The following TET3 variants were observed in gnomAD, a reference collection of about 807,000 sequenced individuals.
TET3 encodes the protein methylcytosine dioxygenase TET3.
A neutral mutation model predicts 141.4 loss-of-function variants in TET3; 19 were observed. That is an observed-to-expected ratio of 0.13 (90% CI 0.09 to 0.20). TET3 has a LOEUF of 0.20. Among genes scored for constraint, TET3 ranks in the 10% least tolerant of loss-of-function variants. The pLI is 1.00. For synonymous variants in TET3, 1,043 were observed against 980.9 expected, an observed-to-expected ratio of 1.06 and a Z score of -1.18; for missense variants, 1,874 against 2,356.9, an observed-to-expected ratio of 0.80 and a Z score of 4.24.
chr2:74,069,446 G>C (rs893766352), intron 4 of TET3, among the ~76,000 whole-genome samples: 6 of 150,914 alleles, frequency 4.0e-5, no homozygotes, highest in Non-Finnish European at 5.9e-5. Context: ...AAAAAATTGT[G>C]ATTTATATAA....
Position 74,053,145 on chromosome 2 carries a change from T to C in TET3, c.2494+4734T>C, listed in dbSNP as rs1310966812. Among the ~76,000 whole-genome samples, 5 of 152,208 alleles carry C rather than the reference T, an allele frequency of 3.3e-5. No homozygotes were observed. The East Asian group carries it at 9.6e-4, about 29-fold the overall frequency. On this transcript the variant is annotated intron_variant, in intron 4 of 11. Transcript: ENST00000409262. ...CCATTCTCTAAAAGATAATATGATG[T>C]TTGCAGCTTTGAGAATATTTATCAC...
chr2:74,018,808 C>T (rs6713313), intron 3 of TET3, among the ~76,000 whole-genome samples: 40,023 of 149,956 alleles, frequency 0.27, 5,661 homozygotes, highest in African/African-American at 0.33. Context: ...CCATGTTCTG[C>T]GAAAAATACT....
At position 73,986,243 on chromosome 2, in the gene TET3, G is replaced by A. The variant is rs756304727; in HGVS notation, c.-161G>A. ...ACTGCTGCAGAGGAGGTGAAGAGGG[G>A]TTGAGAAGAGGCATCCATCCACGAG... is the stretch of plus-strand genomic sequence containing the variant. On this transcript the variant is annotated 5_prime_UTR_variant, in exon 2 of 12. Coordinates refer to ENST00000409262, the MANE Select transcript of TET3 (RefSeq NM_001287491.2). 3.1e-4 allele frequency: 165 copies of A among 529,776 alleles called. No homozygotes were observed. The highest frequency in any genetic ancestry group is 3.9e-4 in the Admixed American group (9 of 22,810). 32.8% of individuals were successfully genotyped at this position (529,776 alleles called of 1,614,324 possible). A position where few individuals can be genotyped will look rare whatever the true frequency, so the allele number is the denominator to read the frequency against.
chr2:74,002,752 G>A (rs922400839), intron 2 of TET3: 16 of 532,716 alleles, frequency 3.0e-5, no homozygotes, highest in Non-Finnish European at 5.2e-5. Context: ...TCCCTCCGGC[G>A]GGGATAATGG....
chr2:74,100,214 C>T (rs1444371948), intron 11 of TET3, among the ~76,000 whole-genome samples, 179 bp from the exon 12 acceptor site: 1 of 152,140 alleles, frequency 6.6e-6, no homozygotes, highest in Non-Finnish European at 1.5e-5. Context: ...CTGTGCTGAG[C>T]AGGGCCCAGG....
At chr2:74,135,077 A>G in the TET3 span, 1 of 215,616 alleles carries the variant, frequency 4.6e-6, no homozygotes, top group Non-Finnish European at 9.5e-6. Context: ...ATCTTCAAAC[A>G]CAGGAAAAGA....
chr2:74,041,157 C>G (rs1487347970), intron 3 of TET3, among the ~76,000 whole-genome samples: 1 of 152,106 alleles, frequency 6.6e-6, no homozygotes. Context: ...AGTGCATTTT[C>G]TAGTATCTCT....
chr2:74,003,312 C>G, intron 3 of TET3, 146 bp downstream of exon 3: 11 of 848,004 alleles, frequency 1.3e-5, no homozygotes, highest in East Asian at 3.8e-5. Flanking sequence ...GGAGGGGCGG[C>G]GGGGGTGTGG....
chr2:73,987,576 T>G (rs2105062165), intron 2 of TET3, among the ~76,000 whole-genome samples: 1 of 152,318 alleles, frequency 6.6e-6, no homozygotes, highest in Admixed American at 6.5e-5. Flanking sequence ...TGAGCGAAGT[T>G]GAGCAGCTTA....
intron 5 of TET3, among the ~76,000 whole-genome samples, chr2:74,078,218 A>C (rs1391924220): frequency 6.6e-6 from 1 of 152,232 alleles, no homozygotes; most frequent in Non-Finnish European, 1.5e-5. Flanking sequence ...AAAAAATTAT[A>C]AACTGTTCTC....
In TET3 at chr2:74,028,128, T is replaced by A. The variant is rs372508285; in HGVS notation, c.361-18150T>A. On this transcript the variant is annotated intron_variant, in intron 3 of 11. Transcript: ENST00000409262. ...CCTCCCAAGTAGCTAGGACTACAGA[T>A]GTGTGCCACCACCATGCCTGCCTAA... Among the ~76,000 whole-genome samples the A allele has an allele frequency of 2.0e-3, 302 of 152,014 alleles. 13 individuals are homozygous for A. The South Asian group carries it at 0.06, about 30-fold the overall frequency.
At chr2:73,987,713 T>C (rs1371463207) in intron 2 of TET3, among the ~76,000 whole-genome samples, 1 of 152,162 alleles carries the variant, frequency 6.6e-6, no homozygotes, top group African/African-American at 2.4e-5. Context: ...CCCAGACAAC[T>C]CGGGCCCCCT....
the TET3 span, among the ~76,000 whole-genome samples, chr2:74,134,108 G>A: frequency 2.0e-5 from 3 of 152,122 alleles, no homozygotes; most frequent in South Asian, 2.1e-4. Context: ...TAGGTTCCAC[G>A]CAGGGAATCA....
chr2:74,031,293 C>G (rs1686671981), intron 3 of TET3, among the ~76,000 whole-genome samples: 1 of 152,142 alleles, frequency 6.6e-6, no homozygotes, highest in South Asian at 2.1e-4. Context: ...CCAGGGTGGG[C>G]AGGTGAGTGG....
chr2:74,099,860 G>A (rs895913260), intron 11 of TET3, among the ~76,000 whole-genome samples: 2 of 152,176 alleles, frequency 1.3e-5, no homozygotes, highest in African/African-American at 2.4e-5. Context: ...CCTCTAGTTT[G>A]CATCCCTCAG....
At chr2:74,017,599 G>A (rs1324576528) in intron 3 of TET3, among the ~76,000 whole-genome samples, 1 of 152,018 alleles carries the variant, frequency 6.6e-6, no homozygotes, top group African/African-American at 2.4e-5. Flanking sequence ...TTGCTAACTA[G>A]TATTCCATTA....
In TET3 at chr2:74,106,938, G is replaced by GT. The variant is rs1691532893; in HGVS notation, c.*4765dup. On this transcript the variant is annotated 3_prime_UTR_variant, in exon 12 of 12. Coordinates refer to ENST00000409262, the MANE Select transcript of TET3 (RefSeq NM_001287491.2). The stretch of plus-strand genomic sequence containing the variant: ...AGGAGCGTAGTTGGCTGTATTTCAT[G>GT]TTTAAGTTTTGCTTTTGAATAAAAT... 1 of 152,116 alleles carries GT rather than the reference G, an allele frequency of 6.6e-6. No individual in the cohort carries two copies. The highest frequency in any genetic ancestry group is 2.1e-4 in the South Asian group (1 of 4,836). 9.4% of individuals were successfully genotyped at this position (152,116 alleles called of 1,614,324 possible).
At chr2:73,991,548 C>A (rs888449211) in intron 2 of TET3, among the ~76,000 whole-genome samples, 1 of 152,092 alleles carries the variant, frequency 6.6e-6, no homozygotes, top group African/African-American at 2.4e-5. Flanking sequence ...TACGACTGCC[C>A]TGTTCAGTCT....
chr2:74,098,408 T>TGTGA (rs1690971034), intron 10 of TET3, among the ~76,000 whole-genome samples: 1 of 152,172 alleles, frequency 6.6e-6, no homozygotes, highest in Admixed American at 6.5e-5. Context: ...GAAGCTATTA[T>TGTGA]GTGACCATAT....
Sources: allele counts gnomAD v4.1 joint callset (sites outside exome capture counted in the v4.1 genomes callset), GRCh38; gene constraint gnomAD v4.1.1; transcripts MANE v1.5; gene names NCBI Gene and HGNC (gene_info 2026-07-23, HGNC 2026-07-21).